ASF1B: variants seen among roughly 807,000 people sequenced by gnomAD.
The protein encoded by ASF1B is histone chaperone ASF1B.
In ASF1B, 10 loss-of-function variants were observed where a neutral mutation model predicts 16.6. That is an observed-to-expected ratio of 0.60 (90% CI 0.37 to 1.02). The LOEUF is 1.02. Ranked by LOEUF, ASF1B falls within the 50% of genes least tolerant of loss-of-function variation. ASF1B has a pLI of 0.01. For synonymous variants in ASF1B, 101 were observed against 106.2 expected (o/e 0.95, Z 0.30); for missense variants, 240 against 266.0 (o/e 0.90, Z 0.68).
At chr19:14,126,046 C>A (rs536826941) in intron 2 of ASF1B, 76 bp downstream of exon 2, 3 of 1,193,418 alleles carry the variant, frequency 2.5e-6, no homozygotes, top group African/African-American at 3.1e-5. Context: ...ATTCCTGAAG[C>A]ACTCTGTGGG....
At chr19:14,129,809 G>A (rs575924575) in intron 1 of ASF1B, among the ~76,000 whole-genome samples, 2 of 151,448 alleles carry the variant, frequency 1.3e-5, no homozygotes, top group Admixed American at 6.6e-5. Flanking sequence ...CACTTTGGGA[G>A]GCTGAGGCGG....
At position 14,119,758 on chromosome 19, in the gene ASF1B, G is replaced by C. The variant is rs1456885414; in HGVS notation, c.*701C>G. 6.6e-6 allele frequency: 1 copy of C among 152,652 alleles called. No individual in the cohort carries two copies. The highest frequency in any genetic ancestry group is 1.5e-5 in the Non-Finnish European group (1 of 68,058). 9.5% of individuals were successfully genotyped at this position (152,652 alleles called of 1,614,324 possible). A position where few individuals can be genotyped will look rare whatever the true frequency, so the allele number is the denominator to read the frequency against. The stretch of plus-strand genomic sequence containing the variant: ...GCAGAGGGTCCCTGACCCTGGCCCG[G>C]AGACAGACTGCCCAGGCAGGCCCTC... On this transcript the variant is annotated 3_prime_UTR_variant, in exon 4 of 4. Coordinates refer to ENST00000263382, the MANE Select transcript of ASF1B (RefSeq NM_018154.3).
intron 1 of ASF1B, among the ~76,000 whole-genome samples, chr19:14,132,165 C>T (rs1169284198): frequency 6.6e-6 from 1 of 151,734 alleles, no homozygotes; most frequent in Non-Finnish European, 1.5e-5. Context: ...GTAGCTGGGA[C>T]CACAGACACG....
At position 14,128,115 on chromosome 19, in the gene ASF1B, GGAGGCTTGGCAA is replaced by G. The variant is rs560440426; in HGVS notation, c.110-1890_110-1879del. Among the ~76,000 whole-genome samples the G allele has an allele frequency of 2.7e-3, 414 of 152,316 alleles. 3 individuals carry two copies. Among genetic ancestry groups the G allele is most frequent in the African/African-American group, 9.5e-3 (395 of 41,556 alleles). On this transcript the variant is annotated intron_variant, in intron 1 of 3. Coordinates refer to ENST00000263382, the MANE Select transcript of ASF1B (RefSeq NM_018154.3). ...CAGGGGCAAGGTCATGCTGGTACAG[GGAGGCTTGGCAA>G]GAGGCTTGAAACTTATTTTTGGCTC...
rs74181857 is a variant in ASF1B at position 14,123,378 on chromosome 19, CTT to C, written c.226-1672_226-1671del. Among the ~76,000 whole-genome samples the C allele has an allele frequency of 1.5e-3, 184 of 119,774 alleles. 1 individual carries two copies. The highest frequency in any genetic ancestry group is 5.4e-3 in the African/African-American group (163 of 29,922). The allele number at this position is 119,774 out of a possible 152,430, so 78.6% of individuals were successfully genotyped here. A position where few individuals can be genotyped will look rare whatever the true frequency, so the allele number is the denominator to read the frequency against. On this transcript the variant is annotated intron_variant, in intron 2 of 3. Transcript: ENST00000263382. ...AATCTCCATTTGTTTTTTCTTTCTT[CTT>C]TTTTTTTTTTTTTTTTTTTGAGATG...
intron 1 of ASF1B, among the ~76,000 whole-genome samples, chr19:14,130,049 G>C (rs1273644835): frequency 6.6e-6 from 1 of 151,556 alleles, no homozygotes. Context: ...GTGTGCACCT[G>C]TAATTCTAAT....
chr19:14,120,508 G>C lies in ASF1B; in HGVS notation c.560C>G (p.Pro187Arg), dbSNP rs1387367967. ...NCTPIKGLGL[P>R]GCIPGLLPEN... ...AGGGAGGAGGCCAGGGATGCAGCCA[G>C]GGAGCCCCAAGCCCTTGATAGGAGT... is the stretch of plus-strand genomic sequence containing the variant. Residue 187 changes from proline (P) to arginine (R), a missense_variant, in exon 4 of 4, where the codon CCT becomes CGT. By Grantham distance (103) the Pro-to-Arg change is moderately radical. Transcript: ENST00000263382. 6.2e-7 allele frequency: 1 copy of C among 1,613,166 alleles called. No individual in the cohort carries two copies. The highest frequency in any genetic ancestry group is 1.7e-5 in the Admixed American group (1 of 59,848).
chr19:14,133,020 T>G (rs1967429846), intron 1 of ASF1B, among the ~76,000 whole-genome samples: 3 of 151,538 alleles, frequency 2.0e-5, no homozygotes, highest in African/African-American at 7.3e-5. Flanking sequence ...CTTGGGAGAT[T>G]GAGGCAGGAG....
chr19:14,132,404 T>G (rs1402696373), intron 1 of ASF1B, among the ~76,000 whole-genome samples: 1 of 151,762 alleles, frequency 6.6e-6, no homozygotes, highest in Admixed American at 6.6e-5. Flanking sequence ...TGGAGAGGAG[T>G]CCAGAAGGAG....
chr19:14,120,587 C>G lies in ASF1B; in HGVS notation c.481G>C (p.Glu161Gln). 6.2e-7 allele frequency: 1 copy of G among 1,614,144 alleles called. No homozygotes were observed. Among genetic ancestry groups the G allele is most frequent in the Non-Finnish European group, 8.5e-7 (1 of 1,180,018 alleles). Residue 161 changes from glutamate (E) to glutamine (Q), a missense_variant, in exon 4 of 4, where the codon GAG becomes CAG. Physicochemically the swap from Glu to Gln is conservative, Grantham distance 29 (BLOSUM62 2). Transcript: ENST00000263382. Reference protein sequence around the residue: ...INWDNNMDRLEAIETQDPSLG... With the variant: ...INWDNNMDRLQAIETQDPSLG... ...GAGGGGTCCTGGGTCTCTATGGCCT[C>G]CAGCCTGTCCATGTTGTTGTCCCAG... is the stretch of plus-strand genomic sequence containing the variant.
In ASF1B at chr19:14,120,369, CCCCCAAAGTCCTCTAGATGGG is replaced by C; in HGVS notation, c.*69_*89del. The C allele has an allele frequency of 7.6e-7, 1 of 1,318,018 alleles. No homozygotes were observed. Among genetic ancestry groups the C allele is most frequent in the Non-Finnish European group, 1.1e-6 (1 of 948,490 alleles). The allele number at this position is 1,318,018 out of a possible 1,614,324, so 81.6% of individuals were successfully genotyped here. A position where few individuals can be genotyped will look rare whatever the true frequency, so the allele number is the denominator to read the frequency against. On this transcript the variant is annotated 3_prime_UTR_variant, in exon 4 of 4. Coordinates refer to ENST00000263382, the MANE Select transcript of ASF1B (RefSeq NM_018154.3). ...GACAGACCTGGATTGCAGCTGATGG[CCCCCAAAGTCCTCTAGATGGG>C]CCCTGCAGGACTCGCTGGGAGGCCT...
intron 1 of ASF1B, among the ~76,000 whole-genome samples, chr19:14,132,033 T>G (rs1282287886): frequency 1.3e-5 from 2 of 150,052 alleles, no homozygotes; most frequent in African/African-American, 4.9e-5. Flanking sequence ...GGTTTTTTTT[T>G]TTTTTTTTTT....
At position 14,136,382 on chromosome 19, in the gene ASF1B, C is replaced by G; in HGVS notation, c.75G>C (p.Glu25Asp). The G allele has an allele frequency of 2.5e-6, 4 of 1,613,642 alleles. No individual in the cohort carries two copies. Among genetic ancestry groups the G allele is most frequent in the Admixed American group, 1.7e-5 (1 of 60,004 alleles). ...PSPFHSPFRF[E>D]ISFECSEALA... ...GGGCTTCACTGCACTCGAAGCTGAT[C>G]TCGAACCGGAAGGGGCTGTGGAAAG... The change falls in exon 1 of 4, where the codon GAG becomes GAC. Residue 25 changes from glutamate (E) to aspartate (D), a missense_variant. Physicochemically the swap from Glu to Asp is conservative, Grantham distance 45. Coordinates refer to ENST00000263382, the MANE Select transcript of ASF1B (RefSeq NM_018154.3).
In ASF1B at chr19:14,126,086, A is replaced by G. The variant is rs748460085; in HGVS notation, c.225+36T>C. On this transcript the variant is annotated intron_variant, in intron 2 of 3. Transcript: ENST00000263382. ...CAGGTAAAAGAGGATGTTTCTAGGA[A>G]TCAAGGGCTAAGGCCTAAGGCCTCA... 3.4e-6 allele frequency: 5 copies of G among 1,463,432 alleles called. No homozygotes were observed. The East Asian group carries it at 1.2e-4, about 34-fold the overall frequency. The allele number at this position is 1,463,432 out of a possible 1,614,324, so 90.7% of individuals were successfully genotyped here. A position where few individuals can be genotyped will look rare whatever the true frequency, so the allele number is the denominator to read the frequency against.
In ASF1B at chr19:14,121,557, G is replaced by C; in HGVS notation, c.377C>G (p.Pro126Arg). Residue 126 changes from proline to arginine, a missense_variant, in exon 3 of 4, where the codon CCG (proline) becomes CGG (arginine). Physicochemically the swap from Pro to Arg is moderately radical, Grantham distance 103. Transcript: ENST00000263382. ...EYLNPELREN[P>R]PMKPDFSQLQ... The stretch of plus-strand genomic sequence containing the variant: ...CTGGGAGAAATCTGGCTTCATGGGC[G>C]GGTTCTCACGCAGCTCAGGGTTGAG... The C allele has an allele frequency of 3.7e-6, 6 of 1,613,914 alleles. No homozygotes were observed. Among genetic ancestry groups the C allele is most frequent in the Non-Finnish European group, 4.2e-6 (5 of 1,179,948 alleles).
At chr19:14,132,433 G>GTT (rs776950379) in intron 1 of ASF1B, among the ~76,000 whole-genome samples, 11 of 152,164 alleles carry the variant, frequency 7.2e-5, no homozygotes, top group Non-Finnish European at 1.2e-4. Flanking sequence ...CAAGCTGGCA[G>GTT]ATCAGTCACA....
intron 3 of ASF1B, chr19:14,121,230 C>T (rs922748785): frequency 8.1e-5 from 37 of 455,204 alleles, no homozygotes; most frequent in Non-Finnish European, 1.2e-4. Context: ...AAGCGATCCT[C>T]CCACCTCAGC....
chr19:14,133,797 ATTTTTTTTTTTTT>A (rs34122923), intron 1 of ASF1B, among the ~76,000 whole-genome samples: 2 of 98,858 alleles, frequency 2.0e-5, no homozygotes, highest in African/African-American at 8.2e-5. Flanking sequence ...CCGCACAACC[ATTTTTTTTTTTTT>A]TTTTTTTTTT....
In ASF1B at chr19:14,135,943, G is replaced by A. The variant is rs1178637565; in HGVS notation, c.109+405C>T. Among the ~76,000 whole-genome samples the A allele has an allele frequency of 3.3e-5, 5 of 152,020 alleles. No individual in the cohort carries two copies. The East Asian group carries it at 7.7e-4, about 24-fold the overall frequency. On this transcript the variant is annotated intron_variant, in intron 1 of 3. Transcript: ENST00000263382. ...GGGTTAAGAAATGGAGGCCGAGAAG[G>A]TCTCCCCATGAAAACGGGTACCTAG...
Sources: allele counts gnomAD v4.1 joint callset (sites outside exome capture counted in the v4.1 genomes callset), GRCh38; gene constraint gnomAD v4.1.1; transcripts MANE v1.5; gene names NCBI Gene and HGNC (gene_info 2026-07-23, HGNC 2026-07-21).